ARHGAP21: variants seen among roughly 807,000 people sequenced by gnomAD.
ARHGAP21 encodes the protein rho GTPase-activating protein 21.
A neutral mutation model predicts 164.6 loss-of-function variants in ARHGAP21; 38 were observed. That is an observed-to-expected ratio of 0.23 (90% confidence interval 0.18 to 0.30). The LOEUF (loss-of-function observed/expected upper bound fraction) is 0.30, where lower values mean the gene tolerates loss of function less well. Ranked by LOEUF, ARHGAP21 falls within the 10% of genes least tolerant of loss-of-function variation. The pLI, the probability that ARHGAP21 is intolerant of heterozygous loss-of-function variation, is 1.00. For missense variants in ARHGAP21, 1,822 were observed against 2,370.7 expected (o/e 0.77, Z 4.81); for synonymous variants, 766 against 857.9 (o/e 0.89, Z 1.87).
chr10:24,617,124 T>G (rs1000512308), intron 9 of ARHGAP21, among the ~76,000 whole-genome samples: 1 of 152,190 alleles, frequency 6.6e-6, no homozygotes, highest in African/African-American at 2.4e-5. Flanking sequence ...AGAGTACTTT[T>G]ATTCTTAGTA....
intron 2 of ARHGAP21, among the ~76,000 whole-genome samples, chr10:24,706,328 G>A (rs573906500): frequency 1.3e-5 from 2 of 151,946 alleles, no homozygotes; most frequent in East Asian, 3.9e-4. Context: ...TTCTTTTAAA[G>A]TAATTCAGAT....
intron 4 of ARHGAP21, among the ~76,000 whole-genome samples, chr10:24,647,981 G>A (rs1837742141): frequency 6.6e-6 from 1 of 152,156 alleles, no homozygotes; most frequent in African/African-American, 2.4e-5. Flanking sequence ...GGGATTTACA[G>A]GCATGTGCCA....
intron 8 of ARHGAP21, among the ~76,000 whole-genome samples, chr10:24,622,460 A>T: frequency 7.8e-6 from 1 of 127,714 alleles, no homozygotes; most frequent in African/African-American, 3.1e-5. Context: ...ATATATATAT[A>T]TATATATATA....
Position 24,584,572 on chromosome 10 carries a change from G to A in ARHGAP21, c.5717C>T (p.Thr1906Ile), listed in dbSNP as rs1422730225. 1.9e-6 allele frequency: 3 copies of A among 1,613,820 alleles called. No individual in the cohort carries two copies. The highest frequency in any genetic ancestry group is 2.7e-5 in the African/African-American group (2 of 74,910). Residue 1906 changes from threonine (T) to isoleucine (I), a missense_variant, in exon 26 of 26, where the codon ACA (threonine) becomes ATA (isoleucine). By Grantham distance (89) the Thr-to-Ile change is moderately conservative (BLOSUM62 -1). This residue lies in a region of ARHGAP21 where 165 missense variants were observed against 176.6 expected (regional missense o/e 0.93). Coordinates refer to ENST00000396432, the MANE Select transcript of ARHGAP21 (RefSeq NM_020824.4). ...TGSSSSTLAS[T>I]NRPLLSIPPQ... ...TGGTATGGAAAGAAGGGGCCTGTTT[G>A]TTGAAGCCAAGGTGCTGGAAGAACT...
intron 2 of ARHGAP21, among the ~76,000 whole-genome samples, chr10:24,704,296 T>C (rs974837030): frequency 6.8e-6 from 1 of 147,734 alleles, no homozygotes; most frequent in South Asian, 2.2e-4. Flanking sequence ...TTTCTTTTTT[T>C]TTTTTTTTTT....
At chr10:24,655,561 G>C (rs928971281) in intron 4 of ARHGAP21, among the ~76,000 whole-genome samples, 10 of 152,034 alleles carry the variant, frequency 6.6e-5, no homozygotes, top group African/African-American at 2.4e-4. Context: ...GGCCCCGCGG[G>C]GCCCGAGGGC....
intron 25 of ARHGAP21, among the ~76,000 whole-genome samples, chr10:24,587,242 C>T (rs2130704832): frequency 6.6e-6 from 1 of 152,148 alleles, no homozygotes; most frequent in African/African-American, 2.4e-5. Flanking sequence ...CCTCAGCCTC[C>T]CAAAGTGCCA....
At position 24,620,124 on chromosome 10, in the gene ARHGAP21, T is replaced by C. The variant is rs1834393368; in HGVS notation, c.1771A>G (p.Lys591Glu). 2 of 1,613,968 alleles carry C rather than the reference T, an allele frequency of 1.2e-6. No homozygotes were observed. Among genetic ancestry groups the C allele is most frequent in the Non-Finnish European group, 1.7e-6 (2 of 1,179,874 alleles). Residue 591 changes from lysine (K) to glutamate (E), a missense_variant, in exon 9 of 26, where the codon AAA becomes GAA. Physicochemically the swap from Lys to Glu is moderately conservative, Grantham distance 56 (BLOSUM62 1). Around this residue, in one of 5 missense-constraint regions of ARHGAP21, gnomAD observed 1,090 missense variants for 1,378.9 expected, o/e 0.79. Transcript: ENST00000396432. Reference sequence around the variant, plus strand: ...AAATTTCTGTTTGACTGCAATGTTTTTAGATCTGGTGGAATTTTTTTAAAC... The same window carrying C: ...AAATTTCTGTTTGACTGCAATGTTTCTAGATCTGGTGGAATTTTTTTAAAC... ...SQFKKIPPDL[K>E]TLQSNRNFQT...
At position 24,600,762 on chromosome 10, in the gene ARHGAP21, T is replaced by C; in HGVS notation, c.3016A>G (p.Lys1006Glu). 6.2e-7 allele frequency: 1 copy of C among 1,614,008 alleles called. No homozygotes were observed. The highest frequency in any genetic ancestry group is 2.2e-5 in the East Asian group (1 of 44,868). ...GACGTGGTGAGTCGAAACACATTTT[T>C]CCTCTTGGTCTCACTGTAAGAGATG... is the stretch of plus-strand genomic sequence containing the variant. ...IDISYSETKR[K>E]NVFRLTTSDC... The change falls in exon 14 of 26, where the codon AAA becomes GAA. Residue 1006 changes from lysine (K) to glutamate (E), a missense_variant. Transcript: ENST00000396432.
At chr10:24,690,836 AAAT>A (rs891436521) in intron 2 of ARHGAP21, among the ~76,000 whole-genome samples, 16 of 147,924 alleles carry the variant, frequency 1.1e-4, no homozygotes, top group African/African-American at 1.2e-4. Flanking sequence ...TCAAAAAAAA[AAAT>A]ATATATATAT....
intron 3 of ARHGAP21, among the ~76,000 whole-genome samples, chr10:24,669,116 C>A (rs1340957417): frequency 6.6e-6 from 1 of 151,844 alleles, no homozygotes; most frequent in Non-Finnish European, 1.5e-5. Context: ...TATTTACAAT[C>A]CTTAAAAGAT....
intron 2 of ARHGAP21, among the ~76,000 whole-genome samples, chr10:24,692,048 T>C (rs1039786986): frequency 1.3e-5 from 2 of 152,226 alleles, no homozygotes; most frequent in Non-Finnish European, 2.9e-5. Flanking sequence ...TGGAATTCTC[T>C]GTTACAAGAA....
At chr10:24,704,899 CTCT>C (rs1487210476) in intron 2 of ARHGAP21, among the ~76,000 whole-genome samples, 6 of 152,268 alleles carry the variant, frequency 3.9e-5, no homozygotes, top group South Asian at 2.1e-4. Context: ...GGCCTAAAAA[CTCT>C]TCTTCTCAGA....
intron 7 of ARHGAP21, among the ~76,000 whole-genome samples, chr10:24,624,789 AAAGTGTTTTGATAGAATCAGAC>A (rs1834932603): frequency 1.3e-5 from 2 of 152,268 alleles, no homozygotes; most frequent in African/African-American, 4.8e-5. Context: ...ACAACATATG[AAAGTGTTTTGATAGAATCAGAC>A]AACATTTAAA....
chr10:24,632,493 GATCA>G (rs1205455502), intron 6 of ARHGAP21, among the ~76,000 whole-genome samples: 1 of 152,166 alleles, frequency 6.6e-6, no homozygotes, highest in Non-Finnish European at 1.5e-5. Flanking sequence ...AACACTCTGA[GATCA>G]ATTAATCATG....
intron 2 of ARHGAP21, among the ~76,000 whole-genome samples, chr10:24,700,418 A>G (rs545567616): frequency 6.6e-6 from 1 of 152,344 alleles, no homozygotes; most frequent in South Asian, 2.1e-4. Flanking sequence ...AAGCCAATTT[A>G]AAGTATTACA....
chr10:24,630,835 C>T lies in ARHGAP21; in HGVS notation c.441-785G>A, dbSNP rs561084925. On this transcript the variant is annotated intron_variant, in intron 6 of 25. Coordinates refer to ENST00000396432, the MANE Select transcript of ARHGAP21 (RefSeq NM_020824.4). ...TTAATTTTGCAATATTCCCTCCTGGCCTCAGAAGTGAAGGAAATCGCTTTA... is the reference window on the plus strand; with the variant it reads ...TTAATTTTGCAATATTCCCTCCTGGTCTCAGAAGTGAAGGAAATCGCTTTA... Among the ~76,000 whole-genome samples the T allele has an allele frequency of 6.4e-4, 98 of 152,282 alleles. No individual in the cohort carries two copies. In the Middle Eastern group the frequency reaches 0.014, roughly 21 times the overall value.
chr10:24,594,818 T>C, intron 21 of ARHGAP21, 132 bp downstream of exon 21: 1 of 610,886 alleles, frequency 1.6e-6, no homozygotes, highest in Non-Finnish European at 2.6e-6. Flanking sequence ...TTAAAAACAA[T>C]TTTAAGAAGG....
rs1403273388 is a variant in ARHGAP21, at chr10:24,596,831, C to G, written c.3386G>C (p.Ser1129Thr). ...TTTCTCAAATGTCTTTCTCATGATA[C>G]TTGGAATGCCTTTTCTCCATGTGCC... The part of the protein sequence containing the change: ...DKGTWRKGIP[S>T]IMRKTFEKKP... Residue 1129 changes from serine to threonine, a missense_variant, in exon 17 of 26, where the codon AGT becomes ACT. Around this residue, in one of 5 missense-constraint regions of ARHGAP21, gnomAD observed 1,090 missense variants for 1,378.9 expected, o/e 0.79. Transcript: ENST00000396432. 1 of 1,611,342 alleles carries G rather than the reference C, an allele frequency of 6.2e-7. No individual in the cohort carries two copies. The highest frequency in any genetic ancestry group is 1.1e-5 in the South Asian group (1 of 90,748).
Sources: gnomAD v4.1 joint callset for allele counts (sites outside exome capture counted in the v4.1 genomes callset) on GRCh38, gnomAD v4.1.1 for gene constraint, gnomAD v4.1.1 regional missense constraint, MANE v1.5 for transcripts, NCBI Gene and HGNC (gene_info 2026-07-23, HGNC 2026-07-21) for gene names.